The following PTCHD4 variants were observed in gnomAD, a reference collection of about 807,000 sequenced individuals.
The protein encoded by PTCHD4 is patched domain containing 4.
Under a neutral mutation model 58.1 loss-of-function variants are expected in PTCHD4, and 33 were observed. The observed-to-expected ratio is 0.57, with a 90% CI of 0.43 to 0.76. PTCHD4 has a LOEUF of 0.76. Ranked by LOEUF, PTCHD4 falls within the 30% of genes least tolerant of loss-of-function variation. The probability of loss-of-function intolerance (pLI) is 0.00; values close to 1 mark genes in which losing one functional copy is unlikely to be tolerated. For missense variants in PTCHD4, 1,058 were observed against 1,027.1 expected (o/e 1.03, Z -0.41); for synonymous variants, 478 against 409.6 (o/e 1.17, Z -2.02).
intron 4 of PTCHD4, among the ~76,000 whole-genome samples, chr6:47,888,116 G>C (rs1764251553): frequency 6.6e-6 from 1 of 152,202 alleles, no homozygotes; most frequent in African/African-American, 2.4e-5. Flanking sequence ...CCAGTACTTT[G>C]GGAGGCCGAG....
chr6:48,061,924 T>C (rs952753851), intron 3 of PTCHD4, among the ~76,000 whole-genome samples: 4 of 152,188 alleles, frequency 2.6e-5, no homozygotes, highest in South Asian at 2.1e-4. Context: ...AGATCTGCTG[T>C]CCAATCAAAA....
At chr6:47,919,318 G>A (rs189584295) in intron 4 of PTCHD4, among the ~76,000 whole-genome samples, 1 of 152,236 alleles carries the variant, frequency 6.6e-6, no homozygotes, top group East Asian at 1.9e-4. Context: ...TTAACAAAGT[G>A]AAGGCCTTCA....
intron 4 of PTCHD4, among the ~76,000 whole-genome samples, chr6:47,935,539 C>T (rs1765968861): frequency 6.6e-6 from 1 of 152,136 alleles, no homozygotes; most frequent in South Asian, 2.1e-4. Context: ...AGGGAGGCCT[C>T]AAACCCCAAG....
At chr6:47,910,735 C>T (rs1765042943) in intron 4 of PTCHD4, among the ~76,000 whole-genome samples, 3 of 151,692 alleles carry the variant, frequency 2.0e-5, no homozygotes, top group African/African-American at 7.3e-5. Context: ...CGTGTAGTCT[C>T]TTCTCTTGGT....
chr6:48,025,698 T>C (rs993998360), intron 3 of PTCHD4, among the ~76,000 whole-genome samples: 1 of 152,218 alleles, frequency 6.6e-6, no homozygotes, highest in African/African-American at 2.4e-5. Flanking sequence ...ATTTGTTACA[T>C]AAGCAGGTAT....
rs1763328470 is a variant in PTCHD4 at position 47,857,292 on chromosome 6, T to C, written c.*21011A>G. Among the ~76,000 whole-genome samples, 1 of 152,058 alleles carries C rather than the reference T, an allele frequency of 6.6e-6. No homozygotes were observed. The highest frequency in any genetic ancestry group is 2.4e-5 in the African/African-American group (1 of 41,438). Reference sequence around the variant, plus strand: ...AAATCTTATTTGTTTCCCTCCAGACTAGTAAGAACAGATGCACATTGACGA... The same window carrying C: ...AAATCTTATTTGTTTCCCTCCAGACCAGTAAGAACAGATGCACATTGACGA... On this transcript the variant is annotated 3_prime_UTR_variant, in exon 5 of 5. Coordinates refer to ENST00000339488, the MANE Select transcript of PTCHD4 (RefSeq NM_001384253.1).
At chr6:48,048,505 C>T (rs540772212) in intron 3 of PTCHD4, among the ~76,000 whole-genome samples, 10 of 151,918 alleles carry the variant, frequency 6.6e-5, no homozygotes, top group African/African-American at 2.2e-4. Flanking sequence ...CCTATGTTGC[C>T]AAAATGGGGA....
At chr6:48,090,975 CT>C (rs1157221232) in intron 1 of PTCHD4, among the ~76,000 whole-genome samples, 1 of 152,098 alleles carries the variant, frequency 6.6e-6, no homozygotes, top group Non-Finnish European at 1.5e-5. Flanking sequence ...CCTGAAATCG[CT>C]TTTTCTATTA....
chr6:47,886,083 G>T (rs1006148589), intron 4 of PTCHD4, among the ~76,000 whole-genome samples: 2 of 150,104 alleles, frequency 1.3e-5, no homozygotes, highest in Non-Finnish European at 2.9e-5. Context: ...CTCCCAAAGT[G>T]CTGGGATTAT....
At chr6:47,922,611 GA>G in intron 4 of PTCHD4, among the ~76,000 whole-genome samples, 1 of 152,332 alleles carries the variant, frequency 6.6e-6, no homozygotes, top group African/African-American at 2.4e-5. Context: ...TTGGCAAGTG[GA>G]ATCTGGGCTG....
Position 47,879,055 on chromosome 6 carries a change from C to A in PTCHD4, c.1780G>T (p.Ala594Ser), listed in dbSNP as rs769436565. Residue 594 changes from alanine (A) to serine (S), a missense_variant, in exon 5 of 5, where the codon GCA (alanine) becomes TCA (serine). Ala to Ser is a moderately conservative substitution (Grantham distance 99). Coordinates refer to ENST00000339488, the MANE Select transcript of PTCHD4 (RefSeq NM_001384253.1). ...GCAATGATATTGCTTTCATCCCCTG[C>A]CTTGGAGAAGATGATATCATTTCGA... is the stretch of plus-strand genomic sequence containing the variant. ...HFRNDIIFSK[A>S]GDESNIIASR... is the part of the protein sequence containing the mutation. 1.2e-6 allele frequency: 2 copies of A among 1,613,458 alleles called. No homozygotes were observed. The highest frequency in any genetic ancestry group is 2.2e-5 in the South Asian group (2 of 91,070).
chr6:48,054,946 G>T (rs1305359200), intron 3 of PTCHD4, among the ~76,000 whole-genome samples: 1 of 151,944 alleles, frequency 6.6e-6, no homozygotes, highest in Non-Finnish European at 1.5e-5. Context: ...AAATCTGCAG[G>T]GTGTATACTA....
chr6:47,920,645 C>T (rs1020623019), intron 4 of PTCHD4, among the ~76,000 whole-genome samples: 5 of 152,104 alleles, frequency 3.3e-5, no homozygotes. Flanking sequence ...TATCCCTTAC[C>T]ATTGTCTACT....
chr6:48,095,511 G>A lies in PTCHD4; in HGVS notation c.-970+15538C>T, dbSNP rs535578712. 2.6e-5 allele frequency among the ~76,000 whole-genome samples: 4 copies of A among 152,070 alleles called. 1 individual carries two copies. The highest frequency in any genetic ancestry group is 1.9e-4 in the East Asian group (1 of 5,170). ...ACTCTGGCTAACACGGTGAAACCCC[G>A]TCTCTACTAAAAATACAAAAAAAAT... On this transcript the variant is annotated intron_variant, in intron 1 of 4. Coordinates refer to ENST00000339488, the MANE Select transcript of PTCHD4 (RefSeq NM_001384253.1).
Position 47,878,663 on chromosome 6 carries a change from G to A in PTCHD4, c.2172C>T (p.Asp724=), listed in dbSNP as rs376556610. ...CLIYTLNFAI[D]HCAPLLFTFV... Reference sequence around the variant, plus strand: ...ATGTGAAAAGCAGTGGTGCACAGTGGTCAATGGCGAAATTCAAGGTGTAGA... The same window carrying A: ...ATGTGAAAAGCAGTGGTGCACAGTGATCAATGGCGAAATTCAAGGTGTAGA... Residue 724 remains aspartate, a synonymous_variant, in exon 5 of 5, where the codon GAC becomes GAT. Transcript: ENST00000339488. 14 of 1,613,466 alleles carry A rather than the reference G, an allele frequency of 8.7e-6. No homozygotes were observed. Among genetic ancestry groups the A allele is most frequent in the African/African-American group, 1.3e-5 (1 of 74,872 alleles).
chr6:48,103,641 C>G (rs1400504532), intron 1 of PTCHD4, among the ~76,000 whole-genome samples: 8 of 152,040 alleles, frequency 5.3e-5, no homozygotes, highest in Admixed American at 5.2e-4. Flanking sequence ...TTCAGAAGAT[C>G]AAACTACTCC....
intron 4 of PTCHD4, among the ~76,000 whole-genome samples, chr6:47,941,919 T>C: frequency 6.6e-6 from 1 of 152,238 alleles, no homozygotes; most frequent in Non-Finnish European, 1.5e-5. Context: ...AACTAGGTAC[T>C]GATTCCAATG....
At chr6:47,930,269 C>T (rs1006592368) in intron 4 of PTCHD4, among the ~76,000 whole-genome samples, 2 of 152,306 alleles carry the variant, frequency 1.3e-5, no homozygotes, top group Admixed American at 1.3e-4. Flanking sequence ...CATTCAGCTA[C>T]ATTAAATAAT....
intron 3 of PTCHD4, among the ~76,000 whole-genome samples, chr6:48,012,097 A>G (rs1250067465): frequency 1.3e-5 from 2 of 152,024 alleles, no homozygotes; most frequent in Non-Finnish European, 2.9e-5. Context: ...GTTTTCTCCA[A>G]CTCTGTGAGG....
Sources: gnomAD v4.1 joint callset for allele counts (sites outside exome capture counted in the v4.1 genomes callset) on GRCh38, gnomAD v4.1.1 for gene constraint, MANE v1.5 for transcripts, NCBI Gene and HGNC (gene_info 2026-07-23, HGNC 2026-07-21) for gene names.